The following PLXNA2 variants were observed in gnomAD, a reference collection of about 807,000 sequenced individuals.
The protein encoded by PLXNA2 is plexin-A2.
In PLXNA2, 91 loss-of-function variants were observed where a neutral mutation model predicts 193.5. The ratio of observed to expected loss-of-function variants is 0.47; its 90% confidence interval spans 0.40 to 0.56. The LOEUF (loss-of-function observed/expected upper bound fraction) is 0.56, where lower values mean the gene tolerates loss of function less well. PLXNA2 is among the 20% of genes least tolerant of loss of function. The probability of loss-of-function intolerance (pLI) is 0.00; values close to 1 mark genes in which losing one functional copy is unlikely to be tolerated. For synonymous variants in PLXNA2, 997 were observed against 1,027.3 expected, an observed-to-expected ratio of 0.97 and a Z score of 0.56; for missense variants, 1,995 against 2,503.2, an observed-to-expected ratio of 0.80 and a Z score of 4.33.
intron 3 of PLXNA2, among the ~76,000 whole-genome samples, chr1:208,177,698 A>G (rs1037128924): frequency 1.2e-4 from 19 of 152,250 alleles, no homozygotes; most frequent in Admixed American, 1.3e-4. Flanking sequence ...AGTCTAACCA[A>G]TGGGCTGTAG....
At chr1:208,150,705 A>G (rs1014613011) in intron 3 of PLXNA2, among the ~76,000 whole-genome samples, 1 of 152,260 alleles carries the variant, frequency 6.6e-6, no homozygotes, top group South Asian at 2.1e-4. Flanking sequence ...TCACTGGTCT[A>G]TGCTGCTCGT....
intron 1 of PLXNA2, among the ~76,000 whole-genome samples, chr1:208,219,452 A>G (rs532100504): frequency 3.3e-5 from 5 of 152,360 alleles, no homozygotes; most frequent in African/African-American, 1.2e-4. Flanking sequence ...CTCAGCTGGA[A>G]GATCATCCAG....
chr1:208,097,767 T>G (rs1409319262), intron 6 of PLXNA2, among the ~76,000 whole-genome samples: 1 of 152,026 alleles, frequency 6.6e-6, no homozygotes, highest in Non-Finnish European at 1.5e-5. Flanking sequence ...GGCGACTGGT[T>G]TCCTCTGCCC....
At chr1:208,156,767 A>T (rs113521662) in intron 3 of PLXNA2, among the ~76,000 whole-genome samples, 91 of 152,318 alleles carry the variant, frequency 6.0e-4, no homozygotes, top group African/African-American at 2.1e-3. Flanking sequence ...AGTTCATTTT[A>T]TTCAACTTTT....
intron 12 of PLXNA2, among the ~76,000 whole-genome samples, chr1:208,067,797 C>A (rs1325857331): frequency 3.3e-5 from 5 of 152,154 alleles, no homozygotes; most frequent in African/African-American, 9.7e-5. Context: ...CAGAATGTAT[C>A]CCCATGGTTA....
chr1:208,202,355 A>G (rs1670578809), intron 3 of PLXNA2, among the ~76,000 whole-genome samples: 1 of 152,202 alleles, frequency 6.6e-6, no homozygotes, highest in South Asian at 2.1e-4. Flanking sequence ...TATTCAATAA[A>G]TATCAGTTCA....
intron 4 of PLXNA2, among the ~76,000 whole-genome samples, chr1:208,141,753 T>C (rs1304938469): frequency 6.6e-6 from 1 of 152,196 alleles, no homozygotes; most frequent in Non-Finnish European, 1.5e-5. Context: ...ACAGTCTCCA[T>C]CCATCCCAGA....
chr1:208,228,781 C>T (rs1258239463), intron 1 of PLXNA2, among the ~76,000 whole-genome samples: 1 of 152,182 alleles, frequency 6.6e-6, no homozygotes, highest in Non-Finnish European at 1.5e-5. Context: ...ACGCCCTGCC[C>T]TGGAATGCTT....
chr1:208,096,253 A>T lies in PLXNA2; in HGVS notation c.1886-128T>A, dbSNP rs147324828. ...TCTTAGGATGTAGATACTATGTGGAACCTGCCTGAATCGTCTCTTCTCCTC... is the reference window on the plus strand; with the variant it reads ...TCTTAGGATGTAGATACTATGTGGATCCTGCCTGAATCGTCTCTTCTCCTC... On this transcript the variant is annotated intron_variant, in intron 7 of 31. Coordinates refer to ENST00000367033, the MANE Select transcript of PLXNA2 (RefSeq NM_025179.4). 8 of 719,998 alleles carry T rather than the reference A, an allele frequency of 1.1e-5. No individual in the cohort carries two copies. In the African/African-American group the frequency reaches 1.4e-4, roughly 13 times the overall value. 44.6% of individuals were successfully genotyped at this position (719,998 alleles called of 1,614,324 possible).
intron 4 of PLXNA2, among the ~76,000 whole-genome samples, chr1:208,109,231 C>G (rs1667384051): frequency 6.6e-6 from 1 of 152,146 alleles, no homozygotes; most frequent in Admixed American, 6.5e-5. Flanking sequence ...GCAGAGCACA[C>G]AGCAGCTGAA....
intron 11 of PLXNA2, among the ~76,000 whole-genome samples, chr1:208,081,385 C>T (rs1051670798): frequency 5.9e-5 from 9 of 152,336 alleles, no homozygotes; most frequent in Admixed American, 2.0e-4. Flanking sequence ...TTGGCTGATC[C>T]GTCAGGTGGA....
chr1:208,146,700 G>T (rs1558215356), intron 3 of PLXNA2, among the ~76,000 whole-genome samples: 2 of 152,172 alleles, frequency 1.3e-5, no homozygotes, highest in Admixed American at 1.3e-4. Flanking sequence ...TTATTCTATG[G>T]TGTCCCACAA....
intron 4 of PLXNA2, among the ~76,000 whole-genome samples, chr1:208,124,826 T>C (rs892074045): frequency 2.0e-5 from 3 of 151,908 alleles, no homozygotes; most frequent in African/African-American, 4.8e-5. Context: ...GCTTGAATTA[T>C]AGGGAGAGGA....
intron 9 of PLXNA2, among the ~76,000 whole-genome samples, chr1:208,089,253 G>C (rs1443165359): frequency 6.6e-6 from 1 of 152,112 alleles, no homozygotes; most frequent in Non-Finnish European, 1.5e-5. Context: ...ATGGATTTGT[G>C]CTGGCCCATC....
intron 4 of PLXNA2, among the ~76,000 whole-genome samples, chr1:208,111,240 A>AT (rs34629195): frequency 5.3e-5 from 8 of 151,798 alleles, no homozygotes; most frequent in Non-Finnish European, 5.9e-5. Flanking sequence ...AATTTAATTT[A>AT]TTTTTTTTGG....
chr1:208,039,756 C>A lies in PLXNA2; in HGVS notation c.4365G>T (p.Gly1455=). 1 of 1,614,114 alleles carries A rather than the reference C, an allele frequency of 6.2e-7. No individual in the cohort carries two copies. The change falls in exon 24 of 32, where the codon GGG becomes GGT. Residue 1455 remains glycine, a synonymous_variant. Coordinates refer to ENST00000367033, the MANE Select transcript of PLXNA2 (RefSeq NM_025179.4). The part of the protein sequence containing the change: ...LLHKFLKECA[G]EPLFMLYCAI... Reference sequence around the variant, plus strand: ...CACAGTATAGCATGAAGAGTGGCTCCCCTGCGCACTCCTGTGGGCACAGAC... The same window carrying A: ...CACAGTATAGCATGAAGAGTGGCTCACCTGCGCACTCCTGTGGGCACAGAC...
Position 208,233,999 on chromosome 1 carries a change from G to A in PLXNA2, c.-81+9644C>T, listed in dbSNP as rs1317308475. 2.0e-5 allele frequency among the ~76,000 whole-genome samples: 3 copies of A among 152,166 alleles called. No individual in the cohort carries two copies. In the East Asian group the frequency reaches 5.8e-4, roughly 29 times the overall value. On this transcript the variant is annotated intron_variant, in intron 1 of 31. Transcript: ENST00000367033. The stretch of plus-strand genomic sequence containing the variant: ...AAGAGGAGAGGTCAGTTCTCACAGG[G>A]AATACTGCTTCATCGTGAGATGCCT...
intron 12 of PLXNA2, among the ~76,000 whole-genome samples, chr1:208,063,464 G>A (rs1379852001): frequency 6.6e-6 from 1 of 152,134 alleles, no homozygotes; most frequent in Non-Finnish European, 1.5e-5. Context: ...CTTTTTTTGG[G>A]TAAATTATTG....
At chr1:208,064,143 G>A (rs747808268) in intron 12 of PLXNA2, among the ~76,000 whole-genome samples, 16 of 152,206 alleles carry the variant, frequency 1.1e-4, no homozygotes, top group South Asian at 8.3e-4. Flanking sequence ...AAAGAAGGTC[G>A]CCAGGCCCTA....
Sources: allele counts gnomAD v4.1 joint callset (sites outside exome capture counted in the v4.1 genomes callset), GRCh38; gene constraint gnomAD v4.1.1; transcripts MANE v1.5; gene names NCBI Gene and HGNC (gene_info 2026-07-23, HGNC 2026-07-21).